Variants in PLG observed in about 807,000 individuals in gnomAD.
PLG encodes the protein plasminogen, also known as plasmin.
In PLG, 41 loss-of-function variants were observed where a neutral mutation model predicts 104.4. The observed-to-expected ratio is 0.39, with a 90% CI of 0.31 to 0.51. The LOEUF is 0.51. Among genes scored for constraint, PLG ranks in the 20% least tolerant of loss-of-function variants. PLG has a pLI of 0.76. For synonymous variants in PLG, 337 were observed against 357.1 expected (o/e 0.94, Z 0.63); for missense variants, 891 against 1,003.6 (o/e 0.89, Z 1.52).
At position 160,724,022 on chromosome 6, in the gene PLG, C is replaced by A. The variant is rs763063512; in HGVS notation, c.1256+1455C>A. ...AGAAGAAAATTCAACCCTTTAGAGG[C>A]AAACAACAAAATCAAGTTGCTCAGT... On this transcript the variant is annotated intron_variant, in intron 10 of 18. Coordinates refer to ENST00000308192, the MANE Select transcript of PLG (RefSeq NM_000301.5). The surrounding 1 kb of genome is among the most constrained non-coding windows in gnomAD (Gnocchi z 5.0). Among the ~76,000 whole-genome samples the A allele has an allele frequency of 3.3e-5, 5 of 152,286 alleles. No individual in the cohort carries two copies. Among genetic ancestry groups the A allele is most frequent in the Non-Finnish European group, 5.9e-5 (4 of 68,008 alleles).
rs1254859061 is a variant in PLG at position 160,752,778 on chromosome 6, A to G, written c.2272-122A>G. 3 of 1,235,640 alleles carry G rather than the reference A, an allele frequency of 2.4e-6. No individual in the cohort carries two copies. The highest frequency in any genetic ancestry group is 1.2e-6 in the Non-Finnish European group (1 of 843,368). 76.5% of individuals were successfully genotyped at this position (1,235,640 alleles called of 1,614,324 possible). ...CTGCAGATGCTTGAGTAATATGCTC[A>G]TAAGTTCCTTTCTGATTTCAATTAC... is the stretch of plus-strand genomic sequence containing the variant. On this transcript the variant is annotated intron_variant, in intron 18 of 18. Transcript: ENST00000308192. The surrounding 1 kb of genome is among the most constrained non-coding windows in gnomAD (Gnocchi z 4.7).
chr6:160,708,574 T>C (rs1203642784), intron 3 of PLG: 1 of 152,254 alleles, frequency 6.6e-6, no homozygotes, highest in African/African-American at 2.4e-5. Flanking sequence ...TTAAAAACTG[T>C]TTCCTCTACT....
intron 1 of PLG, 86 bp downstream of exon 1, chr6:160,702,439 T>C (rs2115145760): frequency 1.5e-6 from 2 of 1,322,462 alleles, no homozygotes; most frequent in East Asian, 4.8e-5. Context: ...TTATGTGCAA[T>C]TCATTTAATT....
rs1321198 is a variant in PLG, at chr6:160,723,916, C to T, written c.1256+1349C>T. ...GATTAGTGTATTCCTATAATAAAGGCCACTCCAGAAACAGCATAGTAAAGC... is the reference window on the plus strand; with the variant it reads ...GATTAGTGTATTCCTATAATAAAGGTCACTCCAGAAACAGCATAGTAAAGC... On this transcript the variant is annotated intron_variant, in intron 10 of 18. Transcript: ENST00000308192. The surrounding 1 kb of genome is among the most constrained non-coding windows in gnomAD (Gnocchi z 4.7). Among the ~76,000 whole-genome samples, 13,130 of 152,106 alleles carry T rather than the reference C, an allele frequency of 0.086. 1,490 individuals are homozygous for T. Among genetic ancestry groups the T allele is most frequent in the Middle Eastern group, 0.28 (81 of 294 alleles).
At chr6:160,746,707 T>G (rs1778282833) in intron 17 of PLG, among the ~76,000 whole-genome samples, 1 of 152,230 alleles carries the variant, frequency 6.6e-6, no homozygotes, top group Non-Finnish European at 1.5e-5. Context: ...CATATGGCAC[T>G]CCGGCCTTTA....
In PLG at chr6:160,739,346, G is replaced by T; in HGVS notation, c.2018+138G>T. 4 of 1,131,606 alleles carry T rather than the reference G, an allele frequency of 3.5e-6. No individual in the cohort carries two copies. Among genetic ancestry groups the T allele is most frequent in the Non-Finnish European group, 2.6e-6 (2 of 758,518 alleles). 70.1% of individuals were successfully genotyped at this position (1,131,606 alleles called of 1,614,324 possible). On this transcript the variant is annotated intron_variant, in intron 16 of 18. Transcript: ENST00000308192. The surrounding 1 kb of genome is among the most constrained non-coding windows in gnomAD (Gnocchi z 4.4). ...GAAAGGCTCAAGGGCTTTGGGGACA[G>T]CATCAATCTTCAACCCTAGCCCTGC...
rs1188344184 is a variant in PLG, at chr6:160,726,908, TGGAA to T, written c.1257-4134_1257-4131del. On this transcript the variant is annotated intron_variant, in intron 10 of 18. Coordinates refer to ENST00000308192, the MANE Select transcript of PLG (RefSeq NM_000301.5). This position sits in a 1 kb window ranked among gnomAD's most constrained non-coding sequence, Gnocchi z 4.4. ...AGAAGCAAATAAGATCCAAGGTAAG[TGGAA>T]GGAAGGAAAGAATGAAAATCTGTGA... 2.0e-5 allele frequency among the ~76,000 whole-genome samples: 3 copies of T among 151,802 alleles called. No homozygotes were observed.
At chr6:160,718,628 C>T (rs1777783127) in intron 8 of PLG, 65 bp from the exon 9 acceptor site, 1 of 1,544,230 alleles carries the variant, frequency 6.5e-7, no homozygotes, top group South Asian at 1.1e-5. Context: ...CGGTTGTTCT[C>T]AAAGCGTGGT....
chr6:160,729,363 T>G (rs900468781), intron 10 of PLG, among the ~76,000 whole-genome samples: 1 of 152,160 alleles, frequency 6.6e-6, no homozygotes, highest in African/African-American at 2.4e-5. Flanking sequence ...CCCAAAAAAC[T>G]GCAATTCTAT....
chr6:160,742,399 C>T (rs1436557420), intron 17 of PLG, among the ~76,000 whole-genome samples: 10 of 151,968 alleles, frequency 6.6e-5, no homozygotes, highest in East Asian at 1.9e-4. Context: ...ATTTCTCTAA[C>T]GATCAGTGAT....
Position 160,736,960 on chromosome 6 carries a change from T to G in PLG, c.1755T>G (p.Cys585Trp). The G allele has an allele frequency of 6.2e-7, 1 of 1,613,892 alleles. No homozygotes were observed. The highest frequency in any genetic ancestry group is 8.5e-7 in the Non-Finnish European group (1 of 1,179,920). Residue 585 changes from cysteine (C) to tryptophan (W), a missense_variant, in exon 14 of 19, where the codon TGT (cysteine) becomes TGG (tryptophan). By Grantham distance (215) the Cys-to-Trp change is radical. Around this residue, in one of 2 missense-constraint regions of PLG, gnomAD observed 854 missense variants for 932.1 expected, o/e 0.92. Coordinates refer to ENST00000308192, the MANE Select transcript of PLG (RefSeq NM_000301.5). The surrounding 1 kb of genome is among the most constrained non-coding windows in gnomAD (Gnocchi z 5.2). Reference protein sequence around the residue: ...KKCPGRVVGGCVAHPHSWPWQ... With the variant: ...KKCPGRVVGGWVAHPHSWPWQ... ...GTCCTGGAAGGGTTGTAGGGGGGTG[T>G]GTGGCCCACCCACATTCCTGGCCCT...
rs1242721527 is a variant in PLG at position 160,725,250 on chromosome 6, A to G, written c.1256+2683A>G. Among the ~76,000 whole-genome samples, 3 of 152,142 alleles carry G rather than the reference A, an allele frequency of 2.0e-5. No homozygotes were observed. The highest frequency in any genetic ancestry group is 6.6e-5 in the Admixed American group (1 of 15,254). On this transcript the variant is annotated intron_variant, in intron 10 of 18. Coordinates refer to ENST00000308192, the MANE Select transcript of PLG (RefSeq NM_000301.5). This position sits in a 1 kb window ranked among gnomAD's most constrained non-coding sequence, Gnocchi z 6.3. Reference sequence around the variant, plus strand: ...CAAACAAACAAAAAGATAATAATTTACTACTTGAAGCAAAATGATAGCAAT... The same window carrying G: ...CAAACAAACAAAAAGATAATAATTTGCTACTTGAAGCAAAATGATAGCAAT...
chr6:160,738,522 T>G lies in PLG; in HGVS notation c.1803-16T>G. 1 of 1,555,388 alleles carries G rather than the reference T, an allele frequency of 6.4e-7. No homozygotes were observed. Among genetic ancestry groups the G allele is most frequent in the Non-Finnish European group, 8.9e-7 (1 of 1,126,360 alleles). On this transcript the variant is annotated splice_polypyrimidine_tract_variant and intron_variant, in intron 14 of 18. Coordinates refer to ENST00000308192, the MANE Select transcript of PLG (RefSeq NM_000301.5). This position sits in a 1 kb window ranked among gnomAD's most constrained non-coding sequence, Gnocchi z 6.8. ...GTATCAATTTAACTAAAATTTGAAC[T>G]AAATCCTCTTTCCAGGTTTGGAATG...
At chr6:160,705,227 C>G (rs1777496768) in intron 1 of PLG, among the ~76,000 whole-genome samples, 1 of 152,200 alleles carries the variant, frequency 6.6e-6, no homozygotes, top group South Asian at 2.1e-4. Flanking sequence ...GCTGGCATCT[C>G]CAGGCTTGGA....
At chr6:160,733,706 T>C (rs1396594807) in intron 12 of PLG, among the ~76,000 whole-genome samples, 1 of 151,446 alleles carries the variant, frequency 6.6e-6, no homozygotes, top group Non-Finnish European at 1.5e-5. Context: ...TAGCCAGGTG[T>C]GGTGGCGTGC....
At chr6:160,733,868 A>AAAAAAAAAAAAAAAAAAAAGAAG (rs1778044522) in intron 12 of PLG, 127 bp from the exon 13 acceptor site, 1 of 500,766 alleles carries the variant, frequency 2.0e-6, no homozygotes, top group African/African-American at 2.1e-5. Context: ...AAAAAAAAAA[A>AAAAAAAAAAAAAAAAAAAAGAAG]GAAGGAAGGA....
At chr6:160,742,398 A>G (rs987265167) in intron 17 of PLG, among the ~76,000 whole-genome samples, 1 of 152,002 alleles carries the variant, frequency 6.6e-6, no homozygotes. Flanking sequence ...CATTTCTCTA[A>G]CGATCAGTGA....
In PLG at chr6:160,731,302, A is replaced by G. The variant is rs1777996085; in HGVS notation, c.1438+70A>G. On this transcript the variant is annotated intron_variant, in intron 11 of 18. Coordinates refer to ENST00000308192, the MANE Select transcript of PLG (RefSeq NM_000301.5). The surrounding 1 kb of genome is among the most constrained non-coding windows in gnomAD (Gnocchi z 5.1). ...TGAAAAGCCATGGAAAATCTCACTG[A>G]TGCAGAAACCTTCCATGCTACACGA... 1 of 1,336,840 alleles carries G rather than the reference A, an allele frequency of 7.5e-7. No individual in the cohort carries two copies. Among genetic ancestry groups the G allele is most frequent in the African/African-American group, 1.4e-5 (1 of 69,706 alleles). 82.8% of individuals were successfully genotyped at this position (1,336,840 alleles called of 1,614,324 possible).
At chr6:160,712,089 G>A (rs1004487068) in intron 4 of PLG, 44 of 241,472 alleles carry the variant, frequency 1.8e-4, no homozygotes, top group Non-Finnish European at 2.5e-4. Flanking sequence ...AATATTCCCC[G>A]TGAGTTAATG....
Sources: allele counts gnomAD v4.1 joint callset (sites outside exome capture counted in the v4.1 genomes callset), GRCh38; gene constraint gnomAD v4.1.1; regional missense constraint gnomAD v4.1.1; non-coding constraint Gnocchi (gnomAD v3.1); transcripts MANE v1.5; gene names NCBI Gene and HGNC (gene_info 2026-07-23, HGNC 2026-07-21).